AFAP1: variants seen among roughly 807,000 people sequenced by gnomAD.
The protein encoded by AFAP1 is actin filament-associated protein 1.
In AFAP1, 75 loss-of-function variants were observed where a neutral mutation model predicts 93.9. The ratio of observed to expected loss-of-function variants is 0.80; its 90% confidence interval spans 0.66 to 0.97. AFAP1 has a LOEUF of 0.97. Among genes scored for constraint, AFAP1 ranks in the 50% least tolerant of loss-of-function variants. AFAP1 has a pLI of 0.00. For synonymous variants in AFAP1, 517 were observed against 430.7 expected, an observed-to-expected ratio of 1.20 and a Z score of -2.48; for missense variants, 1,201 against 1,050.8, an observed-to-expected ratio of 1.14 and a Z score of -1.98.
chr4:7,837,050 G>A (rs1481214214), intron 6 of AFAP1, among the ~76,000 whole-genome samples: 1 of 152,110 alleles, frequency 6.6e-6, no homozygotes, highest in African/African-American at 2.4e-5. Flanking sequence ...CAAAACCACT[G>A]TCAAACCACC....
chr4:7,767,346 G>A (rs936889675), intron 17 of AFAP1, among the ~76,000 whole-genome samples: 11 of 152,172 alleles, frequency 7.2e-5, no homozygotes, highest in Admixed American at 5.9e-4. Flanking sequence ...GCCCTTTTGA[G>A]GGTCGGGACC....
intron 4 of AFAP1, among the ~76,000 whole-genome samples, chr4:7,848,095 G>GGAAA (rs1426960454): frequency 2.0e-5 from 2 of 98,600 alleles, no homozygotes; most frequent in South Asian, 3.4e-4. Flanking sequence ...AGGGAGGGAA[G>GGAAA]GAAAGAAGGA....
chr4:7,921,340 C>T (rs950279115), intron 1 of AFAP1, among the ~76,000 whole-genome samples: 3 of 151,876 alleles, frequency 2.0e-5, no homozygotes, highest in East Asian at 1.9e-4. Flanking sequence ...CCCGCCACCA[C>T]GCCTGGCTAA....
intron 5 of AFAP1, among the ~76,000 whole-genome samples, chr4:7,841,701 G>C (rs4689168): frequency 3.3e-5 from 5 of 152,054 alleles, no homozygotes; most frequent in South Asian, 4.1e-4. Flanking sequence ...AAAAAGCTTC[G>C]TAATAAAAGT....
At chr4:7,825,570 G>A (rs1031719459) in intron 6 of AFAP1, among the ~76,000 whole-genome samples, 1 of 151,802 alleles carries the variant, frequency 6.6e-6, no homozygotes, top group East Asian at 1.9e-4. Flanking sequence ...ATATCAAAAC[G>A]TAGAGGGTGC....
intron 5 of AFAP1, 96 bp downstream of exon 5, chr4:7,843,043 C>T: frequency 7.3e-7 from 1 of 1,378,088 alleles, no homozygotes; most frequent in African/African-American, 1.5e-5. Context: ...TGCTGCCCTT[C>T]CTGCACAGCT....
At chr4:7,877,886 T>TA (rs1328804392) in intron 1 of AFAP1, among the ~76,000 whole-genome samples, 1 of 152,212 alleles carries the variant, frequency 6.6e-6, no homozygotes, top group African/African-American at 2.4e-5. Flanking sequence ...TTCGTTGAGC[T>TA]GCCTGGCTCC....
intron 4 of AFAP1, among the ~76,000 whole-genome samples, chr4:7,853,798 C>T (rs182720605): frequency 6.0e-4 from 92 of 152,264 alleles, no homozygotes; most frequent in Non-Finnish European, 1.1e-3. Context: ...AAGGGAGGGG[C>T]GGCTGTGTCC....
intron 10 of AFAP1, among the ~76,000 whole-genome samples, chr4:7,796,565 C>G (rs12508657): frequency 6.6e-6 from 1 of 150,936 alleles, no homozygotes; most frequent in Non-Finnish European, 1.5e-5. Context: ...CTGGCTAACA[C>G]GGTGAAACCC....
At chr4:7,765,476 C>T (rs902467672) in intron 17 of AFAP1, among the ~76,000 whole-genome samples, 7 of 152,248 alleles carry the variant, frequency 4.6e-5, no homozygotes, top group East Asian at 1.9e-4. Context: ...TACTGGACAG[C>T]GCCCTCCGTG....
chr4:7,798,636 G>C (rs910449199), intron 10 of AFAP1, among the ~76,000 whole-genome samples: 1 of 152,188 alleles, frequency 6.6e-6, no homozygotes, highest in Non-Finnish European at 1.5e-5. Flanking sequence ...TCTTGCTGTC[G>C]TGTCATTCAG....
chr4:7,931,775 A>G (rs1721081027), intron 1 of AFAP1, among the ~76,000 whole-genome samples: 1 of 152,198 alleles, frequency 6.6e-6, no homozygotes, highest in Non-Finnish European at 1.5e-5. Context: ...ACATGGATGC[A>G]TATACACAAA....
intron 4 of AFAP1, among the ~76,000 whole-genome samples, chr4:7,849,693 C>T (rs1440376435): frequency 2.6e-5 from 4 of 152,158 alleles, no homozygotes; most frequent in Admixed American, 6.5e-5. Flanking sequence ...AAGGGCTTTC[C>T]CCTCGATCCT....
At chr4:7,930,111 AAAGT>A (rs1442551443) in intron 1 of AFAP1, among the ~76,000 whole-genome samples, 4 of 152,214 alleles carry the variant, frequency 2.6e-5, no homozygotes, top group South Asian at 2.1e-4. Flanking sequence ...TGTTGCTGAA[AAAGT>A]AAGAGAGGTG....
At chr4:7,771,889 G>A (rs529945322) in intron 16 of AFAP1, among the ~76,000 whole-genome samples, 2 of 152,288 alleles carry the variant, frequency 1.3e-5, no homozygotes, top group East Asian at 1.9e-4. Flanking sequence ...GCTTGGAGGA[G>A]AAGGGGAGAG....
intron 8 of AFAP1, among the ~76,000 whole-genome samples, chr4:7,813,011 C>A (rs1018364331): frequency 6.6e-6 from 1 of 152,094 alleles, no homozygotes; most frequent in Non-Finnish European, 1.5e-5. Context: ...CATACTGTGT[C>A]GGTTTATTAG....
At chr4:7,901,392 AC>A in intron 1 of AFAP1, among the ~76,000 whole-genome samples, 1 of 152,306 alleles carries the variant, frequency 6.6e-6, no homozygotes, top group Admixed American at 6.5e-5. Flanking sequence ...CATGATAAAG[AC>A]GCCTCCATCA....
At chr4:7,908,228 A>C (rs553153524) in intron 1 of AFAP1, among the ~76,000 whole-genome samples, 199 of 152,158 alleles carry the variant, frequency 1.3e-3, no homozygotes, top group South Asian at 6.4e-3. Context: ...AAAAAAATTA[A>C]TTTAAATTGT....
At position 7,774,830 on chromosome 4, in the gene AFAP1, C is replaced by T; in HGVS notation, c.1971G>A (p.Glu657=). ...DAKRLQTKEE[E]LLKRKEALRN... ...GCAGGGCCTCTTTCCTCTTCAGCAG[C>T]TCCTCCTCTTTGGTCTGTAGCCGCT... The change falls in exon 15 of 18, where the codon GAG becomes GAA. Residue 657 remains glutamate (E), a synonymous_variant. Coordinates refer to ENST00000420658, the MANE Select transcript of AFAP1 (RefSeq NM_001134647.2). 1.9e-6 allele frequency: 3 copies of T among 1,614,216 alleles called. No homozygotes were observed. The highest frequency in any genetic ancestry group is 1.3e-5 in the African/African-American group (1 of 75,050).
Sources: allele counts gnomAD v4.1 joint callset (sites outside exome capture counted in the v4.1 genomes callset), GRCh38; gene constraint gnomAD v4.1.1; transcripts MANE v1.5; gene names NCBI Gene and HGNC (gene_info 2026-07-23, HGNC 2026-07-21).